The following FTO variants were observed in gnomAD, a reference collection of about 807,000 sequenced individuals.
The protein encoded by FTO is alpha-ketoglutarate-dependent dioxygenase FTO.
Under a neutral mutation model 63.9 loss-of-function variants are expected in FTO, and 47 were observed. That is an observed-to-expected ratio of 0.74 (90% CI 0.58 to 0.94). The LOEUF (loss-of-function observed/expected upper bound fraction) is 0.94. Among genes scored for constraint, FTO ranks in the 40% least tolerant of loss-of-function variants. The pLI, the probability that FTO is intolerant of heterozygous loss-of-function variation, is 0.00. For missense variants in FTO, 562 were observed against 618.1 expected, an observed-to-expected ratio of 0.91 and a Z score of 0.96; for synonymous variants, 207 against 224.4, an observed-to-expected ratio of 0.92 and a Z score of 0.69.
At chr16:53,898,617 GA>G (rs2081330708) in intron 7 of FTO, among the ~76,000 whole-genome samples, 2 of 152,190 alleles carry the variant, frequency 1.3e-5, no homozygotes, top group Admixed American at 1.3e-4. Flanking sequence ...TTTGTTAAAA[GA>G]AAGAGTTCAC....
rs2077653711 is a variant in FTO, at chr16:53,783,694, A to G, written c.46-26446A>G. Among the ~76,000 whole-genome samples, 2 of 151,568 alleles carry G rather than the reference A, an allele frequency of 1.3e-5. 1 individual carries two copies. Among genetic ancestry groups the G allele is most frequent in the Non-Finnish European group, 2.9e-5 (2 of 67,910 alleles). On this transcript the variant is annotated intron_variant, in intron 1 of 8. Transcript: ENST00000471389. Reference sequence around the variant, plus strand: ...TCCCAGCTACTCGGGAGGCTGAGGCAGGAGAATCACTTGAACCCGAAAGGT... The same window carrying G: ...TCCCAGCTACTCGGGAGGCTGAGGCGGGAGAATCACTTGAACCCGAAAGGT...
At chr16:53,852,045 C>A (rs551732809) in intron 4 of FTO, among the ~76,000 whole-genome samples, 1 of 142,284 alleles carries the variant, frequency 7.0e-6, no homozygotes, top group Non-Finnish European at 1.5e-5. Flanking sequence ...TGCTGGAGCC[C>A]GGAAGTTTGA....
At chr16:53,962,147 C>T (rs1396516236) in intron 8 of FTO, among the ~76,000 whole-genome samples, 1 of 152,084 alleles carries the variant, frequency 6.6e-6, no homozygotes, top group East Asian at 1.9e-4. Flanking sequence ...ATCTCTGAGG[C>T]CTCTGTTTCT....
intron 8 of FTO, among the ~76,000 whole-genome samples, chr16:53,952,370 A>G (rs912214471): frequency 2.0e-5 from 3 of 152,206 alleles, no homozygotes; most frequent in African/African-American, 7.2e-5. Flanking sequence ...ATAGCATATG[A>G]TAATGCCATG....
At chr16:53,869,962 A>G (rs1350924422) in intron 4 of FTO, among the ~76,000 whole-genome samples, 1 of 151,594 alleles carries the variant, frequency 6.6e-6, no homozygotes, top group East Asian at 2.0e-4. Context: ...GATAAGAGGA[A>G]CTGCAGTAAT....
At position 53,739,764 on chromosome 16, in the gene FTO, G is replaced by T. The variant is rs1002594125; in HGVS notation, c.45+35535G>T. The stretch of plus-strand genomic sequence containing the variant: ...GTCTGTGTTTTTTTTTAATCATTGA[G>T]GTATAATTCTCCTAATATAAAATGA... On this transcript the variant is annotated intron_variant, in intron 1 of 8. Transcript: ENST00000471389. 2.6e-5 allele frequency among the ~76,000 whole-genome samples: 4 copies of T among 151,302 alleles called. 1 individual carries two copies. The highest frequency in any genetic ancestry group is 2.6e-4 in the Admixed American group (4 of 15,200).
chr16:53,833,887 T>C (rs1289004199), intron 3 of FTO, among the ~76,000 whole-genome samples: 1 of 152,252 alleles, frequency 6.6e-6, no homozygotes, highest in East Asian at 1.9e-4. Context: ...TGGAGACATG[T>C]CTATTCAAGT....
intron 8 of FTO, among the ~76,000 whole-genome samples, chr16:54,076,030 G>A (rs1393583915): frequency 6.6e-6 from 1 of 152,104 alleles, no homozygotes; most frequent in East Asian, 1.9e-4. Context: ...GCAGGCTTGG[G>A]ACGGTTAATG....
At chr16:53,857,421 TA>T (rs1027848906) in intron 4 of FTO, among the ~76,000 whole-genome samples, 1 of 151,258 alleles carries the variant, frequency 6.6e-6, no homozygotes, top group Non-Finnish European at 1.5e-5. Context: ...CTACTACTAC[TA>T]AGCTTTTTGA....
intron 8 of FTO, among the ~76,000 whole-genome samples, chr16:54,096,726 T>A (rs775197311): frequency 6.6e-6 from 1 of 152,210 alleles, no homozygotes; most frequent in African/African-American, 2.4e-5. Context: ...CCCCAATTAA[T>A]ATGACTTGTT....
intron 1 of FTO, among the ~76,000 whole-genome samples, chr16:53,757,707 G>T (rs1194471526): frequency 2.0e-5 from 3 of 152,122 alleles, no homozygotes; most frequent in Admixed American, 2.0e-4. Context: ...TACCTGATTT[G>T]GTGGAGGAAA....
At chr16:54,048,786 C>A (rs952143702) in intron 8 of FTO, among the ~76,000 whole-genome samples, 2 of 152,178 alleles carry the variant, frequency 1.3e-5, no homozygotes, top group Non-Finnish European at 2.9e-5. Context: ...GAGTTGACAT[C>A]TTCTTCTAAA....
chr16:53,840,707 G>A (rs1426554340), intron 3 of FTO, among the ~76,000 whole-genome samples: 1 of 152,182 alleles, frequency 6.6e-6, no homozygotes, highest in Non-Finnish European at 1.5e-5. Flanking sequence ...CCCAGCTCTT[G>A]AGTAAGGGTC....
intron 3 of FTO, among the ~76,000 whole-genome samples, chr16:53,832,204 G>A (rs1029928667): frequency 6.6e-6 from 1 of 152,204 alleles, no homozygotes; most frequent in Non-Finnish European, 1.5e-5. Flanking sequence ...GGCTAAGCCT[G>A]TAAGAATGGC....
chr16:53,752,837 G>T (rs1018678335), intron 1 of FTO, among the ~76,000 whole-genome samples: 2 of 151,358 alleles, frequency 1.3e-5, no homozygotes, highest in African/African-American at 4.9e-5. Context: ...AATGATAAAT[G>T]AACTTTATAG....
intron 4 of FTO, among the ~76,000 whole-genome samples, chr16:53,850,908 A>G (rs12447422): frequency 0.21 from 32,243 of 151,982 alleles, 3,624 homozygotes; most frequent in East Asian, 0.33. Context: ...TTCGTTTTGC[A>G]GCTTTTGCTC....
At chr16:53,974,398 G>A (rs1299701866) in intron 8 of FTO, among the ~76,000 whole-genome samples, 1 of 152,098 alleles carries the variant, frequency 6.6e-6, no homozygotes, top group East Asian at 1.9e-4. Context: ...GTTCAGAATT[G>A]AAGCACTAAA....
chr16:53,843,687 T>A (rs577941318), intron 3 of FTO, among the ~76,000 whole-genome samples: 2 of 152,320 alleles, frequency 1.3e-5, no homozygotes, highest in Non-Finnish European at 2.9e-5. Context: ...AAATGATCCC[T>A]TTGGTCTTTT....
chr16:53,886,178 T>C (rs749590537), intron 6 of FTO, among the ~76,000 whole-genome samples: 12 of 152,208 alleles, frequency 7.9e-5, no homozygotes, highest in Non-Finnish European at 1.8e-4. Flanking sequence ...GATATAGCCT[T>C]CTCCTTGCTT....
Sources: allele counts gnomAD v4.1 joint callset (sites outside exome capture counted in the v4.1 genomes callset), GRCh38; gene constraint gnomAD v4.1.1; transcripts MANE v1.5; gene names NCBI Gene and HGNC (gene_info 2026-07-23, HGNC 2026-07-21).